Variants in IDO1 observed in about 807,000 individuals in gnomAD.
The protein encoded by IDO1 is indoleamine 2,3-dioxygenase 1, also known as indolamine 2,3 dioxygenase.
IDO1 carries 35 observed loss-of-function variants against 38.8 expected under a neutral mutation model. The observed-to-expected ratio is 0.90, with a 90% CI of 0.69 to 1.20. The LOEUF (loss-of-function observed/expected upper bound fraction) is 1.20. Ranked by LOEUF, IDO1 falls within the 50% of genes most tolerant of loss-of-function variation. The probability of loss-of-function intolerance (pLI) is 0.00; values close to 1 mark genes in which losing one functional copy is unlikely to be tolerated. For missense variants in IDO1, 509 were observed against 485.1 expected, an observed-to-expected ratio of 1.05 and a Z score of -0.46; for synonymous variants, 171 against 170.0, an observed-to-expected ratio of 1.01 and a Z score of -0.05.
chr8:39,924,794 T>A, intron 8 of IDO1, 22 bp downstream of exon 8: 2 of 1,576,994 alleles, frequency 1.3e-6, no homozygotes, highest in African/African-American at 2.7e-5. Context: ...TATGTTTGAA[T>A]TTGTTTGCTC....
chr8:39,922,446 C>A, intron 5 of IDO1, 106 bp from the exon 6 acceptor site: 2 of 736,258 alleles, frequency 2.7e-6, no homozygotes, highest in Non-Finnish European at 4.8e-6. Flanking sequence ...CCTGCCACAC[C>A]TCTCTCATAA....
chr8:39,927,967 T>G lies in IDO1; in HGVS notation c.994T>G (p.Tyr332Asp). ...SKGDAGLREAYDACVKALVSL... is the reference protein window; with the variant it reads ...SKGDAGLREADDACVKALVSL... ...AGGTGATGCTGGCCTGCGGGAAGCTTATGACGCCTGTGTGAAAGCTCTGGT... is the reference window on the plus strand; with the variant it reads ...AGGTGATGCTGGCCTGCGGGAAGCTGATGACGCCTGTGTGAAAGCTCTGGT... The change falls in exon 10 of 10, where the codon TAT (tyrosine) becomes GAT (aspartate). Residue 332 changes from tyrosine (Y) to aspartate (D), a missense_variant. Physicochemically the swap from Tyr to Asp is radical, Grantham distance 160. Coordinates refer to ENST00000518237, the MANE Select transcript of IDO1 (RefSeq NM_002164.6). 9 of 1,604,938 alleles carry G rather than the reference T, an allele frequency of 5.6e-6. No individual in the cohort carries two copies. The highest frequency in any genetic ancestry group is 7.7e-6 in the Non-Finnish European group (9 of 1,175,636).
chr8:39,917,995 C>T lies in IDO1; in HGVS notation c.183+25C>T, dbSNP rs764211105. ...GGTTTGACATATGTATTACATTTGTCTTCTTGTATAGCTTCTTAACATTGT... is the reference window on the plus strand; with the variant it reads ...GGTTTGACATATGTATTACATTTGTTTTCTTGTATAGCTTCTTAACATTGT... On this transcript the variant is annotated intron_variant, in intron 2 of 9. Transcript: ENST00000518237. 5 of 1,610,582 alleles carry T rather than the reference C, an allele frequency of 3.1e-6. No individual in the cohort carries two copies. In the African/African-American group the frequency reaches 5.3e-5, roughly 17 times the overall value.
intron 1 of IDO1, among the ~76,000 whole-genome samples, chr8:39,917,149 A>C (rs1262746466): frequency 6.6e-6 from 1 of 152,224 alleles, no homozygotes; most frequent in African/African-American, 2.4e-5. Flanking sequence ...CACTATTGAC[A>C]TTTAAAACAT....
chr8:39,918,737 A>G, intron 3 of IDO1, 78 bp from the exon 4 acceptor site: 14 of 683,032 alleles, frequency 2.0e-5, no homozygotes, highest in Admixed American at 3.0e-5. Context: ...CAGGAGCAAG[A>G]CTCCATCTCA....
chr8:39,926,001 C>T (rs977733386), intron 9 of IDO1, among the ~76,000 whole-genome samples: 2 of 151,686 alleles, frequency 1.3e-5, no homozygotes, highest in African/African-American at 4.8e-5. Flanking sequence ...TCCTGGCTAA[C>T]ACGGTGAAAC....
In IDO1 at chr8:39,920,403, A is replaced by G. The variant is rs117380385; in HGVS notation, c.437+289A>G. 4.6e-5 allele frequency among the ~76,000 whole-genome samples: 7 copies of G among 152,372 alleles called. No individual in the cohort carries two copies. The East Asian group carries it at 1.3e-3, about 29-fold the overall frequency. ...ATACAAAATGCACATACATCTGTGT[A>G]TCTATGATTTAATAACTCCCATGTC... On this transcript the variant is annotated intron_variant, in intron 5 of 9. Coordinates refer to ENST00000518237, the MANE Select transcript of IDO1 (RefSeq NM_002164.6).
In IDO1 at chr8:39,923,441, ATGTTTGTGTTT is replaced by A. The variant is rs1807307852; in HGVS notation, c.538-20_538-10del. ...AAAAAAGAAAGAAAGAAAACCTTAA[ATGTTTGTGTTT>A]TGTTTGTTTGTTTTAGGTAATTCCT... On this transcript the variant is annotated splice_polypyrimidine_tract_variant and intron_variant, in intron 6 of 9. Coordinates refer to ENST00000518237, the MANE Select transcript of IDO1 (RefSeq NM_002164.6). 1 of 1,212,420 alleles carries A rather than the reference ATGTTTGTGTTT, an allele frequency of 8.2e-7. No individual in the cohort carries two copies. Among genetic ancestry groups the A allele is most frequent in the Non-Finnish European group, 1.2e-6 (1 of 823,660 alleles). The allele number at this position is 1,212,420 out of a possible 1,614,324, so 75.1% of individuals were successfully genotyped here.
chr8:39,928,616 C>T lies in IDO1; in HGVS notation c.*431C>T, dbSNP rs1318708117. ...GGCGCGGTGGCGGGCACCTGTAGTC[C>T]CAGCTACTCGGGAGGCTGAGGCAGG... On this transcript the variant is annotated 3_prime_UTR_variant, in exon 10 of 10. Transcript: ENST00000518237. 6.6e-6 allele frequency among the ~76,000 whole-genome samples: 1 copy of T among 151,760 alleles called. No homozygotes were observed. Among genetic ancestry groups the T allele is most frequent in the African/African-American group, 2.4e-5 (1 of 41,312 alleles).
intron 4 of IDO1, 30 bp downstream of exon 4, chr8:39,918,963 T>G: frequency 6.2e-6 from 8 of 1,300,672 alleles, no homozygotes; most frequent in Non-Finnish European, 8.9e-6. Flanking sequence ...AACAGGAATT[T>G]TTGGAGTGTG....
At chr8:39,927,559 CAAAA>C (rs1275800487) in intron 9 of IDO1, among the ~76,000 whole-genome samples, 1 of 61,320 alleles carries the variant, frequency 1.6e-5, no homozygotes. Flanking sequence ...GACTCTGTCT[CAAAA>C]AAAAAAAAAA....
At position 39,928,328 on chromosome 8, in the gene IDO1, A is replaced by C; in HGVS notation, c.*143A>C. On this transcript the variant is annotated 3_prime_UTR_variant, in exon 10 of 10. Transcript: ENST00000518237. ...ACAAAAGACCTCAAAATACCTGTGC[A>C]TTTCTTGTAGGAAAACAACAAAAGG... 3.4e-6 allele frequency: 2 copies of C among 583,810 alleles called. No individual in the cohort carries two copies. The highest frequency in any genetic ancestry group is 1.9e-5 in the African/African-American group (1 of 54,018). 36.2% of individuals were successfully genotyped at this position (583,810 alleles called of 1,614,324 possible).
intron 4 of IDO1, 139 bp from the exon 5 acceptor site, chr8:39,919,961 T>G: frequency 1.4e-6 from 1 of 735,030 alleles, no homozygotes; most frequent in East Asian, 2.5e-5. Flanking sequence ...AACATTTTAA[T>G]AAGCTTTTTC....
intron 8 of IDO1, 63 bp downstream of exon 8, chr8:39,924,835 T>C: frequency 2.4e-6 from 3 of 1,227,096 alleles, no homozygotes; most frequent in Non-Finnish European, 3.6e-6. Flanking sequence ...CCAAATTCTC[T>C]TGGTTGGTCC....
intron 1 of IDO1, among the ~76,000 whole-genome samples, chr8:39,917,347 T>G (rs971702570): frequency 6.6e-6 from 1 of 151,988 alleles, no homozygotes. Context: ...AATACAAAAA[T>G]TAGCCAGGCA....
intron 9 of IDO1, among the ~76,000 whole-genome samples, chr8:39,927,406 C>T (rs1173089137): frequency 1.3e-5 from 2 of 151,638 alleles, no homozygotes; most frequent in African/African-American, 4.8e-5. Flanking sequence ...ACTAAAAATA[C>T]AAAATTAGCC....
At chr8:39,919,542 C>G (rs1206574757) in intron 4 of IDO1, among the ~76,000 whole-genome samples, 1 of 152,092 alleles carries the variant, frequency 6.6e-6, no homozygotes, top group African/African-American at 2.4e-5. Context: ...GGCATAAGAT[C>G]TGCTACAATA....
intron 1 of IDO1, among the ~76,000 whole-genome samples, chr8:39,915,062 C>T (rs771643834): frequency 3.3e-5 from 5 of 152,124 alleles, no homozygotes; most frequent in African/African-American, 7.2e-5. Context: ...CCACTGCACC[C>T]GGCCAGAAAC....
At position 39,918,977 on chromosome 8, in the gene IDO1, C is replaced by T. The variant is rs749006804; in HGVS notation, c.422+44C>T. Reference sequence around the variant, plus strand: ...CAACAGGAATTTTTGGAGTGTGTGCCGATTAAATAAAACAGGGGTTGTTCA... The same window carrying T: ...CAACAGGAATTTTTGGAGTGTGTGCTGATTAAATAAAACAGGGGTTGTTCA... On this transcript the variant is annotated intron_variant, in intron 4 of 9. Coordinates refer to ENST00000518237, the MANE Select transcript of IDO1 (RefSeq NM_002164.6). 7.0e-5 allele frequency: 82 copies of T among 1,165,344 alleles called. 1 individual carries two copies. Among genetic ancestry groups the T allele is most frequent in the Admixed American group, 2.7e-4 (16 of 59,336 alleles). 72.2% of individuals were successfully genotyped at this position (1,165,344 alleles called of 1,614,324 possible). A position where few individuals can be genotyped will look rare whatever the true frequency, so the allele number is the denominator to read the frequency against.
Sources: gnomAD v4.1 joint callset for allele counts (sites outside exome capture counted in the v4.1 genomes callset) on GRCh38, gnomAD v4.1.1 for gene constraint, MANE v1.5 for transcripts, NCBI Gene and HGNC (gene_info 2026-07-23, HGNC 2026-07-21) for gene names.